UPK3BL2: variants seen among roughly 807,000 people sequenced by gnomAD.
The protein encoded by UPK3BL2 is uroplakin-3b-like protein 2.
A neutral mutation model predicts 11.3 loss-of-function variants in UPK3BL2; 1 was observed. The observed-to-expected ratio is 0.09, with a 90% CI of 0.03 to 0.42. The LOEUF (loss-of-function observed/expected upper bound fraction) is 0.42, where lower values mean the gene tolerates loss of function less well. Among genes scored for constraint, UPK3BL2 ranks in the 10% least tolerant of loss-of-function variants. UPK3BL2 has a pLI of 0.98.
At chr7:102,543,061 G>A (rs1484203713) in intron 1 of UPK3BL2, among the ~76,000 whole-genome samples, 2 of 150,776 alleles carry the variant, frequency 1.3e-5, no homozygotes, top group Non-Finnish European at 3.0e-5. Flanking sequence ...GAGAAGCGGA[G>A]CAGTCAGAGA....
chr7:102,538,269 G>A (rs1800149733), downstream of UPK3BL2: 3 of 393,596 alleles, frequency 7.6e-6, no homozygotes, highest in East Asian at 5.4e-5. Flanking sequence ...GACAGAGTGA[G>A]ACTCCGTCTC....
At chr7:102,541,982 G>C (rs1233014252) in intron 1 of UPK3BL2, 1 of 975,558 alleles carries the variant, frequency 1.0e-6, no homozygotes, top group Non-Finnish European at 1.2e-6. Flanking sequence ...GGCCATGTTG[G>C]GATGGAACTG....
intron 1 of UPK3BL2, chr7:102,542,644 G>A: frequency 4.1e-6 from 4 of 972,156 alleles, no homozygotes; most frequent in Non-Finnish European, 3.7e-6. Flanking sequence ...CTTTCTTAGA[G>A]CTCTCAGTCC....
At chr7:102,540,393 C>G (rs1800200208) in intron 3 of UPK3BL2, among the ~76,000 whole-genome samples, 2 of 84,952 alleles carry the variant, frequency 2.4e-5, no homozygotes, top group South Asian at 9.3e-4. Context: ...TGAGGGGAGA[C>G]CCTGTCTGGA....
chr7:102,543,097 G>A (rs1563690995), intron 1 of UPK3BL2, among the ~76,000 whole-genome samples: 1 of 150,042 alleles, frequency 6.7e-6, no homozygotes, highest in Non-Finnish European at 1.5e-5. Flanking sequence ...GAGATTGTAG[G>A]ACTGTATCTC....
chr7:102,543,023 A>AG (rs1800338328), intron 1 of UPK3BL2, among the ~76,000 whole-genome samples: 1 of 151,780 alleles, frequency 6.6e-6, no homozygotes. Context: ...AAAGAAAGAA[A>AG]GAAAAAAAAG....
chr7:102,540,874 A>AAAAAAAAAAAAAAAAG (rs1554587419), intron 3 of UPK3BL2, among the ~76,000 whole-genome samples: 1 of 119,572 alleles, frequency 8.4e-6, no homozygotes, highest in Non-Finnish European at 1.8e-5. Context: ...AAAAAAAAAA[A>AAAAAAAAAAAAAAAAG]AAGAAGAAAA....
chr7:102,540,855 C>CAAAAAAAAACAAAA (rs1800227070), intron 3 of UPK3BL2, among the ~76,000 whole-genome samples: 1 of 61,262 alleles, frequency 1.6e-5, no homozygotes, highest in African/African-American at 4.8e-5. Context: ...AAAAACAAAA[C>CAAAAAAAAACAAAA]AAAAAAAAAA....
chr7:102,540,006 G>T lies in UPK3BL2; in HGVS notation c.562+9C>A, dbSNP rs1338299224. 7.9e-7 allele frequency: 1 copy of T among 1,264,754 alleles called. No individual in the cohort carries two copies. Among genetic ancestry groups the T allele is most frequent in the Non-Finnish European group, 1.1e-6 (1 of 920,962 alleles). 78.3% of individuals were successfully genotyped at this position (1,264,754 alleles called of 1,614,324 possible). A position where few individuals can be genotyped will look rare whatever the true frequency, so the allele number is the denominator to read the frequency against. ...CCCCTACTGTTTGACCGGAGCCTCT[G>T]GCCCCTACCTTGCTGCAGGCGAGTG... On this transcript the variant is annotated intron_variant, in intron 4 of 5. Coordinates refer to ENST00000644544, the Ensembl canonical transcript of UPK3BL2.
At chr7:102,540,870 A>G (rs1260639234) in intron 3 of UPK3BL2, among the ~76,000 whole-genome samples, 32 of 131,374 alleles carry the variant, frequency 2.4e-4, no homozygotes, top group African/African-American at 8.2e-4. Flanking sequence ...AAAAAAAAAA[A>G]AAAAAAGAAG....
intron 3 of UPK3BL2, among the ~76,000 whole-genome samples, chr7:102,540,855 C>CAAAAAAAAACAAAAAA (rs1800227070): frequency 1.6e-5 from 1 of 61,264 alleles, no homozygotes; most frequent in African/African-American, 4.8e-5. Flanking sequence ...AAAAACAAAA[C>CAAAAAAAAACAAAAAA]AAAAAAAAAA....
At chr7:102,542,653 C>T (rs1374417700) in intron 1 of UPK3BL2, 1 of 971,796 alleles carries the variant, frequency 1.0e-6, no homozygotes, top group Non-Finnish European at 1.2e-6. Flanking sequence ...AGCTCTCAGT[C>T]CTATCTCTGA....
intron 1 of UPK3BL2, among the ~76,000 whole-genome samples, chr7:102,543,309 CTT>C (rs1324812965): frequency 1.6e-5 from 2 of 128,714 alleles, no homozygotes; most frequent in Admixed American, 1.6e-4. Context: ...AAAAAAAAAT[CTT>C]TTTGAAAAAA....
chr7:102,540,886 G>GAAAAAAAA (rs374079023), intron 3 of UPK3BL2, among the ~76,000 whole-genome samples: 2 of 73,318 alleles, frequency 2.7e-5, no homozygotes, highest in Admixed American at 1.5e-4. Flanking sequence ...AGAAGAAAAG[G>GAAAAAAAA]AAAAAAAAAA....
intron 3 of UPK3BL2, among the ~76,000 whole-genome samples, chr7:102,540,860 A>AAAAAAAAAC (rs1800230450): frequency 3.2e-5 from 2 of 62,428 alleles, no homozygotes; most frequent in East Asian, 4.2e-4. Flanking sequence ...CAAAACAAAA[A>AAAAAAAAAC]AAAAAAAAAA....
chr7:102,542,666 C>G, intron 1 of UPK3BL2: 1 of 949,684 alleles, frequency 1.1e-6, no homozygotes, highest in African/African-American at 1.8e-5. Context: ...ATCTCTGAAG[C>G]CCAGGGCACT....
intron 3 of UPK3BL2, among the ~76,000 whole-genome samples, chr7:102,540,872 A>T (rs865898504): frequency 9.2e-5 from 12 of 130,098 alleles, no homozygotes; most frequent in African/African-American, 3.2e-4. Context: ...AAAAAAAAAA[A>T]AAAAGAAGAA....
chr7:102,540,843 C>CAA lies in UPK3BL2; in HGVS notation c.485+248_485+249dup, dbSNP rs1191808991. Among the ~76,000 whole-genome samples, 106 of 54,938 alleles carry CAA rather than the reference C, an allele frequency of 1.9e-3. 1 individual carries two copies. The highest frequency in any genetic ancestry group is 2.4e-3 in the Non-Finnish European group (62 of 25,414). 36.0% of individuals were successfully genotyped at this position (54,938 alleles called of 152,430 possible). A position where few individuals can be genotyped will look rare whatever the true frequency, so the allele number is the denominator to read the frequency against. On this transcript the variant is annotated intron_variant, in intron 3 of 5. Coordinates refer to ENST00000644544, the Ensembl canonical transcript of UPK3BL2. ...TGGGTCACAGAGCAAGACTCCATCT[C>CAA]AAAAAACAAAACAAAAAAAAAAAAA...
Sources: allele counts gnomAD v4.1 joint callset (sites outside exome capture counted in the v4.1 genomes callset), GRCh38; gene constraint gnomAD v4.1.1; transcripts MANE v1.5; gene names NCBI Gene and HGNC (gene_info 2026-07-23, HGNC 2026-07-21).